The following BMPR1B variants were observed in gnomAD, a reference collection of about 807,000 sequenced individuals.
BMPR1B encodes the protein bone morphogenetic protein receptor type 1B.
Under a neutral mutation model 59.1 loss-of-function variants are expected in BMPR1B, and 12 were observed. That is an observed-to-expected ratio of 0.20 (90% confidence interval 0.13 to 0.33). The LOEUF is 0.33. BMPR1B is among the 10% of genes least tolerant of loss of function. The pLI is 1.00. For synonymous variants in BMPR1B, 237 were observed against 207.3 expected (o/e 1.14, Z -1.23); for missense variants, 550 against 610.9 (o/e 0.90, Z 1.05).
chr4:94,801,161 G>C (rs1723392755), intron 1 of BMPR1B, among the ~76,000 whole-genome samples: 2 of 152,190 alleles, frequency 1.3e-5, no homozygotes, highest in South Asian at 4.1e-4. Context: ...CTGCCTTCTT[G>C]CCCTTTGCAC....
At chr4:94,794,810 GCTCT>G (rs1186579710) in intron 1 of BMPR1B, among the ~76,000 whole-genome samples, 1 of 148,518 alleles carries the variant, frequency 6.7e-6, no homozygotes, top group Non-Finnish European at 1.5e-5. Flanking sequence ...TCATGATTTG[GCTCT>G]CTGTTTGTCT....
chr4:94,792,837 A>G (rs1420663538), intron 1 of BMPR1B, among the ~76,000 whole-genome samples: 2 of 152,138 alleles, frequency 1.3e-5, no homozygotes, highest in Admixed American at 1.3e-4. Flanking sequence ...TTCACCAAAC[A>G]CCCTTAGATA....
chr4:94,836,942 G>A (rs1486726336), intron 1 of BMPR1B, among the ~76,000 whole-genome samples: 1 of 147,222 alleles, frequency 6.8e-6, no homozygotes, highest in African/African-American at 2.5e-5. Context: ...TGTATAAGGT[G>A]TAAGGAAGGG....
chr4:94,785,447 A>G (rs1034711762), intron 1 of BMPR1B, among the ~76,000 whole-genome samples: 5 of 152,360 alleles, frequency 3.3e-5, no homozygotes, highest in African/African-American at 1.2e-4. Context: ...CAATGACCAC[A>G]GCTTTCAATG....
At chr4:95,029,797 G>A (rs958897649) in intron 3 of BMPR1B, among the ~76,000 whole-genome samples, 11 of 152,238 alleles carry the variant, frequency 7.2e-5, no homozygotes, top group African/African-American at 2.6e-4. Flanking sequence ...ACTTTTTAAT[G>A]ATTGCCATTC....
chr4:94,982,773 A>C (rs2149089283), intron 2 of BMPR1B, among the ~76,000 whole-genome samples: 1 of 152,218 alleles, frequency 6.6e-6, no homozygotes, highest in Non-Finnish European at 1.5e-5. Flanking sequence ...CGGGCGGATC[A>C]GGAGATCAAG....
chr4:94,797,611 G>T (rs1197644555), intron 1 of BMPR1B, among the ~76,000 whole-genome samples: 1 of 152,132 alleles, frequency 6.6e-6, no homozygotes, highest in Non-Finnish European at 1.5e-5. Flanking sequence ...CATTGTCCTG[G>T]GTTGGACTAT....
At chr4:94,915,177 T>C (rs1191410306) in intron 2 of BMPR1B, among the ~76,000 whole-genome samples, 1 of 152,226 alleles carries the variant, frequency 6.6e-6, no homozygotes, top group Non-Finnish European at 1.5e-5. Context: ...AAATCACCTT[T>C]CCATGCTTTG....
intron 2 of BMPR1B, among the ~76,000 whole-genome samples, chr4:94,965,334 T>C (rs1308993877): frequency 6.6e-6 from 1 of 152,108 alleles, no homozygotes; most frequent in Non-Finnish European, 1.5e-5. Flanking sequence ...GTGTATATCG[T>C]TGTATTAGTT....
At chr4:94,870,999 C>CG (rs576976753) in intron 1 of BMPR1B, among the ~76,000 whole-genome samples, 39 of 150,516 alleles carry the variant, frequency 2.6e-4, no homozygotes, top group South Asian at 1.3e-3. Flanking sequence ...ATTTTTTTGG[C>CG]GGGGGGGCGG....
At chr4:94,775,619 A>G (rs1393540249) in intron 1 of BMPR1B, among the ~76,000 whole-genome samples, 1 of 152,224 alleles carries the variant, frequency 6.6e-6, no homozygotes, top group Non-Finnish European at 1.5e-5. Context: ...GGTTAACTTT[A>G]GCATTAGTGA....
At chr4:95,103,360 C>T (rs1274514464) in intron 3 of BMPR1B, 2 of 802,772 alleles carry the variant, frequency 2.5e-6, no homozygotes, top group African/African-American at 3.7e-5. Flanking sequence ...TTTTTTAACC[C>T]AGCAATTTTT....
In BMPR1B at chr4:94,954,415, C is replaced by T. The variant is rs1197617141; in HGVS notation, c.-112-41625C>T. Among the ~76,000 whole-genome samples, 3 of 152,178 alleles carry T rather than the reference C, an allele frequency of 2.0e-5. 1 individual carries two copies. The highest frequency in any genetic ancestry group is 4.4e-5 in the Non-Finnish European group (3 of 68,022). On this transcript the variant is annotated intron_variant, in intron 2 of 12. Coordinates refer to ENST00000515059, the MANE Select transcript of BMPR1B (RefSeq NM_001203.3). ...AGCTTTGGCTAGATTATTAAACTTT[C>T]TACCTATGCAATGCATATCATTAAG...
chr4:94,871,299 A>G (rs1726488481), intron 1 of BMPR1B, among the ~76,000 whole-genome samples: 1 of 152,200 alleles, frequency 6.6e-6, no homozygotes. Context: ...TTGTAAAGTA[A>G]GATATTAGTC....
At chr4:94,897,325 C>T (rs78689113) in intron 2 of BMPR1B, among the ~76,000 whole-genome samples, 97 of 152,074 alleles carry the variant, frequency 6.4e-4, no homozygotes, top group African/African-American at 1.9e-3. Context: ...TATCTATTCC[C>T]GCGTGACTCA....
chr4:94,883,397 C>G (rs1205983270), intron 2 of BMPR1B, among the ~76,000 whole-genome samples: 3 of 152,140 alleles, frequency 2.0e-5, no homozygotes, highest in Admixed American at 6.5e-5. Context: ...CTTATATTCT[C>G]TCTCTGCTAC....
At chr4:94,852,341 T>C (rs1259378803) in intron 1 of BMPR1B, among the ~76,000 whole-genome samples, 1 of 152,140 alleles carries the variant, frequency 6.6e-6, no homozygotes, top group African/African-American at 2.4e-5. Flanking sequence ...TAGGAAAAAA[T>C]ATATGTATAC....
At chr4:94,935,975 T>G (rs1578821846) in intron 2 of BMPR1B, among the ~76,000 whole-genome samples, 1 of 69,656 alleles carries the variant, frequency 1.4e-5, no homozygotes, top group South Asian at 7.2e-4. Flanking sequence ...CTTGGATTAA[T>G]TTTTTTTCCT....
intron 1 of BMPR1B, among the ~76,000 whole-genome samples, chr4:94,822,900 T>C (rs1373859613): frequency 6.6e-6 from 1 of 152,168 alleles, no homozygotes; most frequent in Non-Finnish European, 1.5e-5. Context: ...GGTGACTTTT[T>C]TGTCAGCTAA....
Sources: allele counts gnomAD v4.1 joint callset (sites outside exome capture counted in the v4.1 genomes callset), GRCh38; gene constraint gnomAD v4.1.1; transcripts MANE v1.5; gene names NCBI Gene and HGNC (gene_info 2026-07-23, HGNC 2026-07-21).